TCF25: variants seen among roughly 807,000 people sequenced by gnomAD.
TCF25 encodes the protein TCF25 ribosome quality control complex subunit.
In TCF25, 41 loss-of-function variants were observed where a neutral mutation model predicts 83.1. The ratio of observed to expected loss-of-function variants is 0.49; its 90% confidence interval spans 0.38 to 0.64. The LOEUF (loss-of-function observed/expected upper bound fraction) is 0.64. TCF25 is among the 30% of genes least tolerant of loss of function. TCF25 has a pLI of 0.00. For missense variants in TCF25, 979 were observed against 914.5 expected (o/e 1.07, Z -0.91); for synonymous variants, 458 against 365.0 (o/e 1.25, Z -2.90).
intron 5 of TCF25, among the ~76,000 whole-genome samples, chr16:89,888,504 G>T (rs147256664): frequency 6.7e-6 from 1 of 150,218 alleles, no homozygotes; most frequent in African/African-American, 2.5e-5. Context: ...CAGGAGAATC[G>T]CTTGAAACCG....
intron 14 of TCF25, 105 bp from the exon 15 acceptor site, chr16:89,906,089 G>T (rs2144270647): frequency 1.0e-6 from 1 of 975,064 alleles, no homozygotes; most frequent in South Asian, 1.5e-5. Context: ...CAGAGATGCA[G>T]CGAGATGCCT....
chr16:89,894,032 G>A (rs1425171680), intron 7 of TCF25, 174 bp downstream of exon 7: 18 of 919,220 alleles, frequency 2.0e-5, no homozygotes, highest in East Asian at 2.7e-5. Context: ...AGATGTGTTC[G>A]GAGGCTCTAG....
chr16:89,907,694 TCACCTCCCACCTGC>T (rs2045017936), intron 16 of TCF25, among the ~76,000 whole-genome samples: 1 of 6,350 alleles, frequency 1.6e-4, no homozygotes, highest in Non-Finnish European at 2.9e-4. Context: ...CTCCCTCCTT[TCACCTCCCACCTGC>T]CACCTCCCGC....
chr16:89,873,619 T>C lies in TCF25; in HGVS notation c.-49T>C, dbSNP rs1179704778. ...GCGCAGGCGCGCCGACAGCCGAGTT[T>C]TCTGCGCTTCCTTCTCCCTCTCTCC... On this transcript the variant is annotated 5_prime_UTR_variant, in exon 1 of 18. Transcript: ENST00000263346. 7.1e-7 allele frequency: 1 copy of C among 1,401,584 alleles called. No homozygotes were observed. The highest frequency in any genetic ancestry group is 1.5e-5 in the African/African-American group (1 of 65,788). The allele number at this position is 1,401,584 out of a possible 1,614,324, so 86.8% of individuals were successfully genotyped here.
At chr16:89,909,130 C>G in intron 16 of TCF25, 2 of 1,285,080 alleles carry the variant, frequency 1.6e-6, no homozygotes, top group Non-Finnish European at 2.0e-6. Context: ...GTGGGGAAAA[C>G]ATATTAATTT....
intron 14 of TCF25, 63 bp from the exon 15 acceptor site, chr16:89,906,131 A>G (rs1300906953): frequency 2.1e-6 from 3 of 1,454,588 alleles, no homozygotes; most frequent in Non-Finnish European, 2.8e-6. Context: ...CCGAGGCTCC[A>G]TGGCGGTTAC....
At chr16:89,889,219 A>AT in intron 5 of TCF25, 1 of 394,916 alleles carries the variant, frequency 2.5e-6, no homozygotes, top group Non-Finnish European at 4.9e-6. Context: ...TTATTTTTTT[A>AT]TTTTTTAGAG....
At chr16:89,887,789 T>C in intron 5 of TCF25, 72 bp downstream of exon 5, 2 of 1,409,348 alleles carry the variant, frequency 1.4e-6, no homozygotes, top group Non-Finnish European at 1.9e-6. Flanking sequence ...GGGGTGGTGT[T>C]CCTGAAGCTA....
intron 12 of TCF25, among the ~76,000 whole-genome samples, chr16:89,901,254 C>T (rs982084140): frequency 6.6e-6 from 1 of 152,254 alleles, no homozygotes; most frequent in Non-Finnish European, 1.5e-5. Context: ...TGGGTAGCTT[C>T]GATCCACGCA....
intron 3 of TCF25, among the ~76,000 whole-genome samples, chr16:89,884,910 C>T (rs1180059398): frequency 1.2e-5 from 1 of 86,794 alleles, no homozygotes; most frequent in Non-Finnish European, 2.1e-5. Flanking sequence ...GCCCCTCTCC[C>T]TCTGCCTGAC....
chr16:89,904,331 C>G (rs1597372941), intron 13 of TCF25, 126 bp downstream of exon 13: 1 of 1,057,908 alleles, frequency 9.5e-7, no homozygotes, highest in Admixed American at 2.1e-5. Flanking sequence ...GTGGTGGCGG[C>G]CTCGGGGACT....
chr16:89,874,445 C>G (rs939162459), intron 1 of TCF25: 1 of 153,418 alleles, frequency 6.5e-6, no homozygotes, highest in Non-Finnish European at 1.5e-5. Flanking sequence ...GGCCTTCTCT[C>G]GGTTCCAGGG....
rs1394156139 is a variant in TCF25 at position 89,889,325 on chromosome 16, A to G, written c.614+1608A>G. The G allele has an allele frequency of 1.0e-5, 3 of 297,252 alleles. 1 individual carries two copies. Among genetic ancestry groups the G allele is most frequent in the Admixed American group, 9.3e-5 (2 of 21,424 alleles). The allele number at this position is 297,252 out of a possible 1,614,324, so 18.4% of individuals were successfully genotyped here. A position where few individuals can be genotyped will look rare whatever the true frequency, so the allele number is the denominator to read the frequency against. ...CCCAAATAGCTGGGACTACCGGCACATGCCACCGCTAATTTATTTTATTTT... is the reference window on the plus strand; with the variant it reads ...CCCAAATAGCTGGGACTACCGGCACGTGCCACCGCTAATTTATTTTATTTT... On this transcript the variant is annotated intron_variant, in intron 5 of 17. Transcript: ENST00000263346.
chr16:89,887,079 G>T (rs543533926), intron 4 of TCF25, among the ~76,000 whole-genome samples: 3 of 151,980 alleles, frequency 2.0e-5, no homozygotes, highest in Admixed American at 1.3e-4. Context: ...TATCACCCAG[G>T]CTGGAGTTCA....
intron 5 of TCF25, among the ~76,000 whole-genome samples, chr16:89,891,836 T>C (rs2043455204): frequency 6.6e-6 from 1 of 152,148 alleles, no homozygotes; most frequent in African/African-American, 2.4e-5. Flanking sequence ...GCCAGGCTAA[T>C]TTTTAAAACC....
At chr16:89,889,186 G>C (rs1402133293) in intron 5 of TCF25, 1 of 397,092 alleles carries the variant, frequency 2.5e-6, no homozygotes, top group African/African-American at 2.1e-5. Context: ...AGAAGGCTTT[G>C]TCTTTTTTTT....
chr16:89,892,957 G>A (rs2043543886), intron 6 of TCF25, among the ~76,000 whole-genome samples: 1 of 152,234 alleles, frequency 6.6e-6, no homozygotes, highest in South Asian at 2.1e-4. Flanking sequence ...GTCTGTGGGG[G>A]TGCCGGAGAT....
At chr16:89,900,948 C>G (rs2044273722) in intron 12 of TCF25, 154 bp downstream of exon 12, 2 of 906,864 alleles carry the variant, frequency 2.2e-6, no homozygotes, top group Non-Finnish European at 3.1e-6. Flanking sequence ...CCTACCAAAC[C>G]TGAAAGAGGG....
intron 16 of TCF25, 56 bp from the exon 17 acceptor site, chr16:89,910,535 G>A (rs964759946): frequency 3.5e-5 from 55 of 1,585,800 alleles, no homozygotes; most frequent in Non-Finnish European, 4.8e-5. Context: ...GAGCCGGGTT[G>A]GGTCCCACGA....
Sources: gnomAD v4.1 joint callset for allele counts (sites outside exome capture counted in the v4.1 genomes callset) on GRCh38, gnomAD v4.1.1 for gene constraint, MANE v1.5 for transcripts, NCBI Gene and HGNC (gene_info 2026-07-23, HGNC 2026-07-21) for gene names.